Variants in SCGB2B2 observed in about 807,000 individuals in gnomAD.
SCGB2B2 encodes the protein secretoglobin family 2B member 2.
SCGB2B2 carries 11 observed loss-of-function variants against 7.6 expected under a neutral mutation model. The ratio of observed to expected loss-of-function variants is 1.45; its 90% confidence interval spans 0.91 to 2.40. The LOEUF (loss-of-function observed/expected upper bound fraction) is 2.40, where lower values mean the gene tolerates loss of function less well. Ranked by LOEUF, SCGB2B2 falls within the 30% of genes most tolerant of loss-of-function variation. The pLI, the probability that SCGB2B2 is intolerant of heterozygous loss-of-function variation, is 0.00. For synonymous variants in SCGB2B2, 50 were observed against 48.6 expected (o/e 1.03, Z -0.12); for missense variants, 104 against 115.4 (o/e 0.90, Z 0.45).
chr19:34,669,781 C>T (rs116105078), intron 1 of SCGB2B2, among the ~76,000 whole-genome samples: 11 of 149,198 alleles, frequency 7.4e-5, no homozygotes, highest in Middle Eastern at 3.4e-3. Flanking sequence ...ATGGCAGTGA[C>T]TGAGTGACCA....
intron 1 of SCGB2B2, among the ~76,000 whole-genome samples, chr19:34,639,248 A>G (rs758043022): frequency 2.6e-5 from 4 of 152,226 alleles, no homozygotes; most frequent in Non-Finnish European, 5.9e-5. Context: ...ACAAATGCCA[A>G]TGCCTCCCTG....
intron 1 of SCGB2B2, among the ~76,000 whole-genome samples, chr19:34,665,642 G>A (rs979485362): frequency 3.3e-5 from 5 of 152,174 alleles, no homozygotes; most frequent in Non-Finnish European, 5.9e-5. Context: ...TACCCCTCAT[G>A]GCAGTTGAGG....
At chr19:34,606,511 C>CTTTTTTT in intron 1 of SCGB2B2, among the ~76,000 whole-genome samples, 1 of 92,586 alleles carries the variant, frequency 1.1e-5, no homozygotes, top group Admixed American at 1.0e-4. Flanking sequence ...TTTTTCTTTT[C>CTTTTTTT]TTTTTCTTTT....
intron 1 of SCGB2B2, among the ~76,000 whole-genome samples, chr19:34,642,212 A>G (rs1006592133): frequency 6.6e-6 from 1 of 152,202 alleles, no homozygotes; most frequent in African/African-American, 2.4e-5. Flanking sequence ...TTTTCTATAA[A>G]GGCAAAGGGC....
At chr19:34,651,201 G>A (rs991013563) in intron 1 of SCGB2B2, among the ~76,000 whole-genome samples, 6 of 151,336 alleles carry the variant, frequency 4.0e-5, no homozygotes, top group African/African-American at 1.5e-4. Flanking sequence ...AGGCAAGAAT[G>A]TCCACTTTCA....
chr19:34,624,419 T>C (rs781581949), intron 1 of SCGB2B2, among the ~76,000 whole-genome samples: 1 of 152,198 alleles, frequency 6.6e-6, no homozygotes. Context: ...AGTTGAAATC[T>C]TGAAATCCCC....
rs2065461807 is a variant in SCGB2B2, at chr19:34,596,546, G to C, written c.-1983C>G. 1 of 152,556 alleles carries C rather than the reference G, an allele frequency of 6.6e-6. No homozygotes were observed. The highest frequency in any genetic ancestry group is 1.5e-5 in the Non-Finnish European group (1 of 68,178). The allele number at this position is 152,556 out of a possible 1,614,324, so 9.5% of individuals were successfully genotyped here. A position where few individuals can be genotyped will look rare whatever the true frequency, so the allele number is the denominator to read the frequency against. On this transcript the variant is annotated 5_prime_UTR_variant, in exon 2 of 4. Coordinates refer to ENST00000601241, the MANE Select transcript of SCGB2B2 (RefSeq NM_001025591.4). ...ATATGAATATGAGGTTGTGATTGTG[G>C]CTGGGAGGGGCTGTGTGGCTGCCTC...
intron 1 of SCGB2B2, among the ~76,000 whole-genome samples, chr19:34,603,292 T>C (rs912417888): frequency 6.6e-6 from 1 of 152,240 alleles, no homozygotes; most frequent in African/African-American, 2.4e-5. Flanking sequence ...TATTTGGGAA[T>C]TGAAATTAAT....
At chr19:34,658,849 A>C (rs1048475749) in intron 1 of SCGB2B2, among the ~76,000 whole-genome samples, 2 of 148,638 alleles carry the variant, frequency 1.3e-5, no homozygotes, top group Non-Finnish European at 3.0e-5. Context: ...AGAGAATTTT[A>C]GGCCAATATC....
intron 1 of SCGB2B2, among the ~76,000 whole-genome samples, chr19:34,671,803 T>C (rs2067810094): frequency 1.3e-5 from 2 of 152,224 alleles, no homozygotes; most frequent in Non-Finnish European, 2.9e-5. Context: ...AAAATTATTA[T>C]TTACCCTGTA....
chr19:34,620,607 T>C (rs891715375), intron 1 of SCGB2B2, among the ~76,000 whole-genome samples: 1 of 152,076 alleles, frequency 6.6e-6, no homozygotes, highest in Non-Finnish European at 1.5e-5. Flanking sequence ...ATGGAACATG[T>C]ATACATATGT....
At position 34,594,303 on chromosome 19, in the gene SCGB2B2, G is replaced by A. The variant is rs1173904104; in HGVS notation, c.118C>T (p.Gln40Ter). 6.2e-7 allele frequency: 1 copy of A among 1,614,002 alleles called. No individual in the cohort carries two copies. The highest frequency in any genetic ancestry group is 8.5e-7 in the Non-Finnish European group (1 of 1,180,006). ...GCAAGCTCCTCCTTCAGGAGGTCTT[G>A]GGACACATCAAACACAACATTCGCA... is the stretch of plus-strand genomic sequence containing the variant. Reference protein sequence around the residue: ...LLANVVFDVSQDLLKEELARY... With the variant: ...LLANVVFDVS Residue 40 changes from glutamine (Q) to a stop codon, truncating the protein, a stop_gained, in exon 3 of 4, where the codon CAA becomes TAA. Transcript: ENST00000601241. LOFTEE classifies it high-confidence loss of function.
intron 1 of SCGB2B2, among the ~76,000 whole-genome samples, chr19:34,606,186 T>C (rs1015371017): frequency 7.9e-5 from 12 of 152,128 alleles, no homozygotes; most frequent in African/African-American, 2.2e-4. Flanking sequence ...ATTGGCATAA[T>C]TGACAAATAG....
At chr19:34,664,811 C>A (rs1458504538) in intron 1 of SCGB2B2, among the ~76,000 whole-genome samples, 1 of 151,784 alleles carries the variant, frequency 6.6e-6, no homozygotes, top group Admixed American at 6.5e-5. Flanking sequence ...TGCCACTCAC[C>A]CACCCATCAC....
intron 1 of SCGB2B2, among the ~76,000 whole-genome samples, chr19:34,629,164 T>C (rs997473960): frequency 6.6e-6 from 1 of 151,948 alleles, no homozygotes; most frequent in Non-Finnish European, 1.5e-5. Flanking sequence ...GCCAATATCA[T>C]ACTGAATGGG....
At chr19:34,670,535 T>G (rs1438822130) in intron 1 of SCGB2B2, among the ~76,000 whole-genome samples, 1 of 152,244 alleles carries the variant, frequency 6.6e-6, no homozygotes, top group African/African-American at 2.4e-5. Context: ...TCCCTCTATC[T>G]TCTTTGGTTA....
At chr19:34,625,642 C>T (rs1483305810) in intron 1 of SCGB2B2, among the ~76,000 whole-genome samples, 3 of 152,186 alleles carry the variant, frequency 2.0e-5, no homozygotes, top group Admixed American at 6.5e-5. Context: ...TGGGTGGAGC[C>T]CAACACAGCT....
chr19:34,655,448 T>A (rs2067257297), intron 1 of SCGB2B2, among the ~76,000 whole-genome samples: 1 of 151,044 alleles, frequency 6.6e-6, no homozygotes, highest in African/African-American at 2.5e-5. Flanking sequence ...ATCAGAAAAA[T>A]TTTAAAACTA....
chr19:34,609,381 A>C (rs1211434604), intron 1 of SCGB2B2, among the ~76,000 whole-genome samples: 1 of 151,962 alleles, frequency 6.6e-6, no homozygotes, highest in Non-Finnish European at 1.5e-5. Context: ...GGTTTTCTCT[A>C]TAAAATCTTT....
Sources: gnomAD v4.1 joint callset for allele counts (sites outside exome capture counted in the v4.1 genomes callset) on GRCh38, gnomAD v4.1.1 for gene constraint, MANE v1.5 for transcripts, NCBI Gene and HGNC (gene_info 2026-07-23, HGNC 2026-07-21) for gene names.